CACNA2D1: variants seen among roughly 807,000 people sequenced by gnomAD.
CACNA2D1 encodes the protein voltage-dependent calcium channel subunit alpha-2/delta-1.
Under a neutral mutation model 171.5 loss-of-function variants are expected in CACNA2D1, and 53 were observed. The ratio of observed to expected loss-of-function variants is 0.31; its 90% CI spans 0.25 to 0.39. The LOEUF is 0.39. CACNA2D1 is among the 10% of genes least tolerant of loss of function. The pLI, the probability that CACNA2D1 is intolerant of heterozygous loss-of-function variation, is 1.00. For missense variants in CACNA2D1, 903 were observed against 1,299.8 expected (o/e 0.69, Z 4.69); for synonymous variants, 442 against 443.1 (o/e 1.00, Z 0.03).
At chr7:82,111,424 G>GTATATATATTCATATA (rs1563065282) in intron 6 of CACNA2D1, among the ~76,000 whole-genome samples, 2 of 71,102 alleles carry the variant, frequency 2.8e-5, no homozygotes, top group African/African-American at 7.3e-5. Flanking sequence ...GTGTATATAT[G>GTATATATATTCATATA]TGTGTATATA....
chr7:82,252,725 A>C (rs936451973), intron 3 of CACNA2D1, among the ~76,000 whole-genome samples: 2 of 152,064 alleles, frequency 1.3e-5, no homozygotes, highest in Non-Finnish European at 2.9e-5. Flanking sequence ...CCCTGTCTCT[A>C]CTAAAAATAC....
intron 2 of CACNA2D1, chr7:82,343,062 C>T (rs1818860190): frequency 1.3e-5 from 2 of 152,094 alleles, no homozygotes; most frequent in Admixed American, 6.5e-5. Context: ...ACCACATATA[C>T]ACACATATAT....
intron 34 of CACNA2D1, 73 bp from the exon 35 acceptor site, chr7:81,962,568 A>T: frequency 2.3e-6 from 2 of 854,316 alleles, no homozygotes; most frequent in Non-Finnish European, 3.8e-6. Context: ...CATACACATA[A>T]ATACTGTTTC....
At chr7:82,054,119 T>C (rs1315702237) in intron 10 of CACNA2D1, among the ~76,000 whole-genome samples, 2 of 152,214 alleles carry the variant, frequency 1.3e-5, no homozygotes, top group Admixed American at 1.3e-4. Flanking sequence ...AGAATCCCAA[T>C]GCCCATTCTA....
At chr7:82,356,977 A>G (rs1472261834) in intron 1 of CACNA2D1, among the ~76,000 whole-genome samples, 1 of 152,212 alleles carries the variant, frequency 6.6e-6, no homozygotes, top group African/African-American at 2.4e-5. Flanking sequence ...TGGTGTCTAC[A>G]AATTCAATAA....
At chr7:82,006,879 T>G (rs1174902372) in intron 16 of CACNA2D1, among the ~76,000 whole-genome samples, 1 of 152,090 alleles carries the variant, frequency 6.6e-6, no homozygotes, top group African/African-American at 2.4e-5. Flanking sequence ...AAACAATGCT[T>G]AAGTGCAGCA....
At chr7:82,262,396 T>C (rs1171302951) in intron 3 of CACNA2D1, among the ~76,000 whole-genome samples, 4 of 152,182 alleles carry the variant, frequency 2.6e-5, no homozygotes, top group African/African-American at 9.7e-5. Flanking sequence ...GTTATCCTTT[T>C]ACATATGTAT....
intron 10 of CACNA2D1, chr7:82,050,795 C>T (rs979716857): frequency 1.2e-5 from 7 of 575,068 alleles, no homozygotes; most frequent in Non-Finnish European, 2.2e-5. Context: ...AAGCACTTTA[C>T]ATGTGACATT....
At chr7:81,971,264 G>A (rs1382133013) in intron 26 of CACNA2D1, among the ~76,000 whole-genome samples, 1 of 151,550 alleles carries the variant, frequency 6.6e-6, no homozygotes, top group East Asian at 1.9e-4. Context: ...GCTGCATGTG[G>A]AGGAATGGAG....
At chr7:82,038,284 A>G in intron 10 of CACNA2D1, 49 bp from the exon 11 acceptor site, 2 of 1,506,146 alleles carry the variant, frequency 1.3e-6, no homozygotes, top group South Asian at 1.1e-5. Flanking sequence ...AAAATCAACC[A>G]TATAGTTTTC....
At chr7:82,259,915 A>T (rs1162743750) in intron 3 of CACNA2D1, among the ~76,000 whole-genome samples, 1 of 152,182 alleles carries the variant, frequency 6.6e-6, no homozygotes, top group Non-Finnish European at 1.5e-5. Flanking sequence ...GGTTGATATA[A>T]GAATTACGTG....
At chr7:82,097,626 G>A (rs1812046613) in intron 6 of CACNA2D1, among the ~76,000 whole-genome samples, 2 of 152,108 alleles carry the variant, frequency 1.3e-5, no homozygotes, top group Non-Finnish European at 2.9e-5. Flanking sequence ...AACATAACGT[G>A]AGGTGCTTCT....
chr7:82,145,269 TATAAA>T (rs1053934641), intron 4 of CACNA2D1, among the ~76,000 whole-genome samples: 4 of 144,864 alleles, frequency 2.8e-5, no homozygotes, highest in Admixed American at 7.0e-5. Flanking sequence ...ATATAAAATA[TATAAA>T]ATAAAATAAA....
Position 82,000,535 on chromosome 7 carries a change from T to C in CACNA2D1, c.1591-3285A>G, listed in dbSNP as rs557536008. 1.1e-4 allele frequency among the ~76,000 whole-genome samples: 17 copies of C among 152,182 alleles called. No individual in the cohort carries two copies. The South Asian group carries it at 3.1e-3, about 28-fold the overall frequency. On this transcript the variant is annotated intron_variant, in intron 18 of 38. Transcript: ENST00000356860. ...CCAAACTAGCACTCAATTCTACTAATTCACAGCTTATCCATCTCTTAATAA... is the reference window on the plus strand; with the variant it reads ...CCAAACTAGCACTCAATTCTACTAACTCACAGCTTATCCATCTCTTAATAA...
intron 3 of CACNA2D1, among the ~76,000 whole-genome samples, chr7:82,173,149 T>A (rs1191781904): frequency 6.6e-6 from 1 of 152,040 alleles, no homozygotes; most frequent in Non-Finnish European, 1.5e-5. Context: ...ACATAATCCA[T>A]GTTTAGTAAG....
At chr7:82,184,320 G>A (rs1307407620) in intron 3 of CACNA2D1, among the ~76,000 whole-genome samples, 4 of 151,618 alleles carry the variant, frequency 2.6e-5, no homozygotes, top group African/African-American at 4.8e-5. Context: ...AATCAAATTT[G>A]TAAAATATAA....
intron 7 of CACNA2D1, among the ~76,000 whole-genome samples, chr7:82,079,720 T>C (rs1809461271): frequency 6.8e-6 from 1 of 147,918 alleles, no homozygotes; most frequent in Non-Finnish European, 1.5e-5. Flanking sequence ...GTTGACGTCA[T>C]AGAACACAGA....
chr7:82,264,337 T>C (rs1438165122), intron 3 of CACNA2D1, among the ~76,000 whole-genome samples: 1 of 152,232 alleles, frequency 6.6e-6, no homozygotes. Context: ...TGTATATATC[T>C]ACACACAAAA....
At chr7:82,284,199 A>AG (rs1370437436) in intron 3 of CACNA2D1, among the ~76,000 whole-genome samples, 6 of 151,636 alleles carry the variant, frequency 4.0e-5, no homozygotes, top group Non-Finnish European at 7.4e-5. Context: ...AAAAAAAAAA[A>AG]GAAAAAAAAG....
Sources: allele counts gnomAD v4.1 joint callset (sites outside exome capture counted in the v4.1 genomes callset), GRCh38; gene constraint gnomAD v4.1.1; transcripts MANE v1.5; gene names NCBI Gene and HGNC (gene_info 2026-07-23, HGNC 2026-07-21).